The following SMYD4 variants were observed in gnomAD, a reference collection of about 807,000 sequenced individuals.
The protein encoded by SMYD4 is protein-lysine N-methyltransferase SMYD4.
Under a neutral mutation model 72.8 loss-of-function variants are expected in SMYD4, and 68 were observed. The ratio of observed to expected loss-of-function variants is 0.93; its 90% CI spans 0.77 to 1.14. SMYD4 has a LOEUF of 1.14. Ranked by LOEUF, SMYD4 falls within the 50% of genes most tolerant of loss-of-function variation. The probability of loss-of-function intolerance (pLI) is 0.00; values close to 1 mark genes in which losing one functional copy is unlikely to be tolerated. For synonymous variants in SMYD4, 407 were observed against 388.6 expected, an observed-to-expected ratio of 1.05 and a Z score of -0.56; for missense variants, 984 against 1,003.7, an observed-to-expected ratio of 0.98 and a Z score of 0.27.
chr17:1,788,471 C>T (rs919939896), intron 5 of SMYD4, among the ~76,000 whole-genome samples: 7 of 152,162 alleles, frequency 4.6e-5, no homozygotes, highest in African/African-American at 7.2e-5. Flanking sequence ...TTTGGCCGGG[C>T]GCGGTGGCTC....
chr17:1,783,541 G>C (rs1434616697), intron 8 of SMYD4, 65 bp from the exon 9 acceptor site: 1 of 1,543,736 alleles, frequency 6.5e-7, no homozygotes, highest in Non-Finnish European at 8.8e-7. Context: ...TGAGAATCCA[G>C]GTCTCAAATC....
rs1000175689 is a variant in SMYD4, at chr17:1,786,957, C to T, written c.1737G>A (p.Arg579=). 1 of 1,613,908 alleles carries T rather than the reference C, an allele frequency of 6.2e-7. No individual in the cohort carries two copies. The highest frequency in any genetic ancestry group is 8.5e-7 in the Non-Finnish European group (1 of 1,180,034). ...ILHCYGPHKS[R]MGVAERQQKL... The stretch of plus-strand genomic sequence containing the variant: ...TCTGCTGCCTTTCGGCAACCCCCAT[C>T]CGGCTCTTGTGAGGCCCTGGAGGGA... The change falls in exon 7 of 11, where the codon CGG becomes CGA. Residue 579 remains arginine, a synonymous_variant. Coordinates refer to ENST00000305513, the MANE Select transcript of SMYD4 (RefSeq NM_052928.3).
At chr17:1,801,736 G>C (rs1465070942) in intron 4 of SMYD4, among the ~76,000 whole-genome samples, 1 of 151,142 alleles carries the variant, frequency 6.6e-6, no homozygotes, top group Non-Finnish European at 1.5e-5. Flanking sequence ...CAGCACTTTA[G>C]GAGGCCGAGG....
At chr17:1,798,865 C>T (rs1371937769) in intron 5 of SMYD4, among the ~76,000 whole-genome samples, 1 of 151,132 alleles carries the variant, frequency 6.6e-6, no homozygotes, top group Non-Finnish European at 1.5e-5. Flanking sequence ...CGCCACTGCA[C>T]TCCAGCCTGG....
At chr17:1,793,767 C>G (rs76253868) in intron 5 of SMYD4, among the ~76,000 whole-genome samples, 9,612 of 151,332 alleles carry the variant, frequency 0.064, 438 homozygotes, top group Middle Eastern at 0.15. Flanking sequence ...CTCATCATGT[C>G]CATGATGACA....
chr17:1,813,834 T>C (rs981572411), intron 2 of SMYD4, among the ~76,000 whole-genome samples: 4 of 151,778 alleles, frequency 2.6e-5, no homozygotes, highest in Admixed American at 2.6e-4. Flanking sequence ...TATAGAGACA[T>C]ATACACATAC....
chr17:1,824,097 C>A (rs966126331), intron 2 of SMYD4, among the ~76,000 whole-genome samples: 5 of 152,186 alleles, frequency 3.3e-5, no homozygotes, highest in Admixed American at 3.3e-4. Flanking sequence ...AATTCCAGGA[C>A]TTTGGGAGGC....
rs1909947154 is a variant in SMYD4 at position 1,804,676 on chromosome 17, G to A, written c.319C>T (p.Leu107=). ...GCTGCCGAGCGGTTAGCATGACACA[G>A]TGACATGTCCTCAGTGTTAGGCCTT... ...HSRPNTEDMS[L]CHANRSAALF... is the part of the protein sequence containing the mutation. The change falls in exon 4 of 11, where the codon CTG becomes TTG. Residue 107 remains leucine, a synonymous_variant. Coordinates refer to ENST00000305513, the MANE Select transcript of SMYD4 (RefSeq NM_052928.3). 1.2e-6 allele frequency: 2 copies of A among 1,613,738 alleles called. No homozygotes were observed. Among genetic ancestry groups the A allele is most frequent in the South Asian group, 2.2e-5 (2 of 91,082 alleles).
At chr17:1,789,267 A>G in intron 5 of SMYD4, among the ~76,000 whole-genome samples, 1 of 152,204 alleles carries the variant, frequency 6.6e-6, no homozygotes, top group Non-Finnish European at 1.5e-5. Context: ...ATGCGCCTGT[A>G]GTCCCAGCTA....
At chr17:1,829,565 C>T (rs1363171402) in intron 1 of SMYD4, 161 bp downstream of exon 1, 2 of 152,390 alleles carry the variant, frequency 1.3e-5, no homozygotes, top group Non-Finnish European at 2.9e-5. Context: ...GATTCCCTTT[C>T]GGAGACCCCC....
Position 1,828,119 on chromosome 17 carries a change from G to A in SMYD4, c.-12-113C>T, listed in dbSNP as rs936426494. 1.1e-5 allele frequency: 11 copies of A among 1,013,824 alleles called. No homozygotes were observed. The African/African-American group carries it at 1.6e-4, about 15-fold the overall frequency. 62.8% of individuals were successfully genotyped at this position (1,013,824 alleles called of 1,614,324 possible). A position where few individuals can be genotyped will look rare whatever the true frequency, so the allele number is the denominator to read the frequency against. Reference sequence around the variant, plus strand: ...TAATCCCAGCACTTTGGGAAGCCGAGGTAGGTGGATCACGAGGTCAGGAGA... The same window carrying A: ...TAATCCCAGCACTTTGGGAAGCCGAAGTAGGTGGATCACGAGGTCAGGAGA... On this transcript the variant is annotated intron_variant, in intron 1 of 10. Transcript: ENST00000305513.
chr17:1,826,510 A>AG, intron 2 of SMYD4, among the ~76,000 whole-genome samples: 1 of 147,766 alleles, frequency 6.8e-6, no homozygotes, highest in African/African-American at 2.5e-5. Context: ...AAAAAAAAAA[A>AG]AAAAAAAAGA....
chr17:1,795,284 GTCTA>G (rs1484557510), intron 5 of SMYD4, among the ~76,000 whole-genome samples: 3 of 151,888 alleles, frequency 2.0e-5, no homozygotes, highest in Non-Finnish European at 2.9e-5. Context: ...TGTCTGGTCT[GTCTA>G]TCTGAGAGAG....
rs150804346 is a variant in SMYD4 at position 1,813,572 on chromosome 17, G to A, written c.135-1457C>T. On this transcript the variant is annotated intron_variant, in intron 2 of 10. Coordinates refer to ENST00000305513, the MANE Select transcript of SMYD4 (RefSeq NM_052928.3). The stretch of plus-strand genomic sequence containing the variant: ...AGTAGCTAGGAGTGTGAGCCACCAC[G>A]CCCAGCTAATTTTTTGTATATTTAG... Among the ~76,000 whole-genome samples, 205 of 151,944 alleles carry A rather than the reference G, an allele frequency of 1.3e-3. 1 individual carries two copies. The highest frequency in any genetic ancestry group is 4.8e-3 in the African/African-American group (199 of 41,454).
At chr17:1,782,777 T>C (rs532980139) in intron 10 of SMYD4, 27 of 225,684 alleles carry the variant, frequency 1.2e-4, no homozygotes, top group Middle Eastern at 1.7e-3. Context: ...CTTTTTTTTT[T>C]TTTTTTTGAG....
At chr17:1,784,124 C>T (rs1411152439) in intron 8 of SMYD4, among the ~76,000 whole-genome samples, 1 of 152,244 alleles carries the variant, frequency 6.6e-6, no homozygotes, top group Non-Finnish European at 1.5e-5. Context: ...CAGCTGAAAT[C>T]ACCTGGCCCC....
chr17:1,801,977 AAAAC>A (rs976804206), intron 4 of SMYD4, among the ~76,000 whole-genome samples: 21 of 151,860 alleles, frequency 1.4e-4, no homozygotes, highest in East Asian at 3.9e-4. Flanking sequence ...CTCTGTCTCA[AAAAC>A]AAACAAACAA....
intron 2 of SMYD4, among the ~76,000 whole-genome samples, chr17:1,816,770 T>C (rs1302929969): frequency 6.6e-6 from 1 of 151,804 alleles, no homozygotes; most frequent in East Asian, 1.9e-4. Flanking sequence ...TGTAGGTGTG[T>C]GAAGTGATCT....
Position 1,800,453 on chromosome 17 carries a change from T to C in SMYD4, c.941A>G (p.Tyr314Cys). Reference protein sequence around the residue: ...LATVPCDGCSYAKYCSQECLQ... With the variant: ...LATVPCDGCSCAKYCSQECLQ... The stretch of plus-strand genomic sequence containing the variant: ...ACACTCCTGGCTGCAATACTTGGCA[T>C]AACTGCATCCGTCACACGGAACTGT... Residue 314 changes from tyrosine (Y) to cysteine (C), a missense_variant, in exon 5 of 11, where the codon TAT (tyrosine) becomes TGT (cysteine). Coordinates refer to ENST00000305513, the MANE Select transcript of SMYD4 (RefSeq NM_052928.3). The C allele has an allele frequency of 6.2e-7, 1 of 1,614,198 alleles. No homozygotes were observed. The highest frequency in any genetic ancestry group is 8.5e-7 in the Non-Finnish European group (1 of 1,180,044).
Sources: gnomAD v4.1 joint callset for allele counts (sites outside exome capture counted in the v4.1 genomes callset) on GRCh38, gnomAD v4.1.1 for gene constraint, MANE v1.5 for transcripts, NCBI Gene and HGNC (gene_info 2026-07-23, HGNC 2026-07-21) for gene names.